Variants in TSPAN7 observed in about 807,000 individuals in gnomAD.
The protein encoded by TSPAN7 is tetraspanin 7.
TSPAN7 carries 1 observed loss-of-function variant against 17.6 expected under a neutral mutation model. The ratio of observed to expected loss-of-function variants is 0.06; its 90% CI spans 0.02 to 0.27. The LOEUF is 0.27. Ranked by LOEUF, TSPAN7 falls within the 10% of genes least tolerant of loss-of-function variation. The pLI is 1.00. For missense variants in TSPAN7, 112 were observed against 201.7 expected (o/e 0.56, Z 2.69); for synonymous variants, 78 against 79.0 (o/e 0.99, Z 0.07).
intron 1 of TSPAN7, chrX:38,612,214 G>T (rs1364757384): frequency 9.0e-6 from 1 of 111,609 alleles, no homozygotes; most frequent in Non-Finnish European, 1.9e-5. Context: ...GTGTGGAACT[G>T]GTACTGAGCG....
chrX:38,564,411 TG>T (rs764012647), intron 1 of TSPAN7, among the ~76,000 whole-genome samples: 1 of 112,366 alleles, frequency 8.9e-6, no homozygotes, highest in South Asian at 3.8e-4. Context: ...TTGAGTTGAT[TG>T]GGTCATTTAG....
intron 1 of TSPAN7, among the ~76,000 whole-genome samples, chrX:38,593,524 C>G (rs2069303699): frequency 9.0e-6 from 1 of 111,696 alleles, no homozygotes; most frequent in African/African-American, 3.2e-5. Context: ...AAAGTTTGTC[C>G]CCTCCGAAAC....
intron 1 of TSPAN7, among the ~76,000 whole-genome samples, chrX:38,605,128 T>G (rs1477341725): frequency 9.1e-6 from 1 of 109,393 alleles, no homozygotes; most frequent in Non-Finnish European, 1.9e-5. Context: ...TTGTCCCTGT[T>G]TGCAGACGAC....
intron 1 of TSPAN7, among the ~76,000 whole-genome samples, chrX:38,580,621 A>G (rs898735116): frequency 1.8e-5 from 2 of 112,261 alleles, no homozygotes; most frequent in African/African-American, 6.5e-5. Flanking sequence ...TGTTACTACA[A>G]TTAATAGCTA....
intron 1 of TSPAN7, among the ~76,000 whole-genome samples, chrX:38,603,172 G>C (rs769461741): frequency 9.0e-6 from 1 of 111,722 alleles, no homozygotes; most frequent in Non-Finnish European, 1.9e-5. Context: ...CATGAAAAAC[G>C]CATGATATTA....
intron 5 of TSPAN7, among the ~76,000 whole-genome samples, chrX:38,680,312 T>A (rs1005359673): frequency 9.1e-6 from 1 of 109,488 alleles, no homozygotes; most frequent in Non-Finnish European, 1.9e-5. Context: ...CATGGCTGGT[T>A]TTTTTTTTTC....
intron 2 of TSPAN7, 135 bp downstream of exon 2, chrX:38,666,444 C>T: frequency 1.5e-6 from 1 of 686,481 alleles, no homozygotes; most frequent in Admixed American, 2.7e-5. Flanking sequence ...TTTCCTAATC[C>T]ATCCTTTAAT....
intron 1 of TSPAN7, among the ~76,000 whole-genome samples, chrX:38,562,788 G>A (rs1335511560): frequency 5.4e-5 from 6 of 111,217 alleles, no homozygotes; most frequent in Non-Finnish European, 1.1e-4. Context: ...ACCCCGCAGG[G>A]GAATGAATAT....
rs183909720 is a variant in TSPAN7, at chrX:38,620,977, C to T, written c.82-45144C>T. 1.6e-3 allele frequency among the ~76,000 whole-genome samples: 181 copies of T among 112,107 alleles called. 3 individuals carry two copies. Among genetic ancestry groups the T allele is most frequent in the East Asian group, 0.014 (51 of 3,557 alleles). On this transcript the variant is annotated intron_variant, in intron 1 of 7. Coordinates refer to ENST00000378482, the MANE Select transcript of TSPAN7 (RefSeq NM_004615.4). ...TTAAAGCCCGTTAGAATTAGTGGTG[C>T]TTTCCGTTCTGAATAGATTGGGACA...
chrX:38,583,021 T>A (rs2069235569), intron 1 of TSPAN7, among the ~76,000 whole-genome samples: 1 of 112,295 alleles, frequency 8.9e-6, no homozygotes, highest in Non-Finnish European at 1.9e-5. Context: ...CTGGTTTTCC[T>A]ACCTCTAGCC....
At chrX:38,680,310 GT>G (rs1169943944) in intron 5 of TSPAN7, among the ~76,000 whole-genome samples, 14 of 107,930 alleles carry the variant, frequency 1.3e-4, no homozygotes, top group Admixed American at 3.9e-4. Context: ...AACATGGCTG[GT>G]TTTTTTTTTT....
intron 1 of TSPAN7, chrX:38,655,878 C>A: frequency 8.4e-6 from 2 of 237,375 alleles, no homozygotes; most frequent in Non-Finnish European, 1.6e-5. Flanking sequence ...GAAGATTCTC[C>A]CTTTTGAAAA....
At chrX:38,577,948 C>T (rs1017399269) in intron 1 of TSPAN7, among the ~76,000 whole-genome samples, 1 of 110,587 alleles carries the variant, frequency 9.0e-6, no homozygotes, top group African/African-American at 3.3e-5. Context: ...GGCCCCTGGA[C>T]AGCTCTACTG....
At chrX:38,610,884 G>A (rs188389539) in intron 1 of TSPAN7, among the ~76,000 whole-genome samples, 24 of 112,388 alleles carry the variant, frequency 2.1e-4, no homozygotes, top group African/African-American at 7.7e-4. Context: ...TTAATGTAAC[G>A]TAGCCAGCTG....
intron 1 of TSPAN7, among the ~76,000 whole-genome samples, chrX:38,641,557 C>T (rs2069612235): frequency 9.0e-6 from 1 of 111,632 alleles, no homozygotes; most frequent in South Asian, 3.8e-4. Flanking sequence ...AACTATGTGC[C>T]TCTTTCCTCC....
At chrX:38,600,154 A>G (rs1432689594) in intron 1 of TSPAN7, among the ~76,000 whole-genome samples, 1 of 111,744 alleles carries the variant, frequency 8.9e-6, no homozygotes, top group Non-Finnish European at 1.9e-5. Flanking sequence ...GAGTCCAGAG[A>G]GAGGAATCAA....
At chrX:38,590,893 C>T (rs1215010258) in intron 1 of TSPAN7, among the ~76,000 whole-genome samples, 4 of 111,559 alleles carry the variant, frequency 3.6e-5, no homozygotes, top group Non-Finnish European at 5.7e-5. Flanking sequence ...TTTCTCAGTA[C>T]TTACATTGGT....
At chrX:38,657,081 T>C (rs1049639054) in intron 1 of TSPAN7, among the ~76,000 whole-genome samples, 1 of 111,834 alleles carries the variant, frequency 8.9e-6, no homozygotes, top group East Asian at 2.8e-4. Flanking sequence ...TAGGGTAATA[T>C]AAAAGAAATG....
intron 1 of TSPAN7, among the ~76,000 whole-genome samples, chrX:38,618,917 G>A (rs1352969092): frequency 9.0e-6 from 1 of 111,071 alleles, no homozygotes; most frequent in Non-Finnish European, 1.9e-5. Context: ...GTGGAAGCTG[G>A]GTGGCTTTTC....
Sources: gnomAD v4.1 joint callset for allele counts (sites outside exome capture counted in the v4.1 genomes callset) on GRCh38, gnomAD v4.1.1 for gene constraint, MANE v1.5 for transcripts, NCBI Gene and HGNC (gene_info 2026-07-23, HGNC 2026-07-21) for gene names.